Variants in SND1 observed in about 807,000 individuals in gnomAD.
SND1 encodes staphylococcal nuclease domain-containing protein 1.
Under a neutral mutation model 121.7 loss-of-function variants are expected in SND1, and 38 were observed. That is an observed-to-expected ratio of 0.31 (90% CI 0.24 to 0.41). The LOEUF (loss-of-function observed/expected upper bound fraction) is 0.41. Among genes scored for constraint, SND1 ranks in the 10% least tolerant of loss-of-function variants. The pLI, the probability that SND1 is intolerant of heterozygous loss-of-function variation, is 1.00. For synonymous variants in SND1, 401 were observed against 447.4 expected (o/e 0.90, Z 1.31); for missense variants, 868 against 1,184.6 (o/e 0.73, Z 3.92).
chr7:128,066,442 G>A (rs1027364463), intron 16 of SND1, among the ~76,000 whole-genome samples: 3 of 152,186 alleles, frequency 2.0e-5, no homozygotes, highest in African/African-American at 7.2e-5. Context: ...TGGAGGTGAT[G>A]GGGGATTAGG....
intron 11 of SND1, among the ~76,000 whole-genome samples, chr7:127,832,813 C>T (rs952499462): frequency 6.6e-5 from 10 of 152,202 alleles, no homozygotes; most frequent in Non-Finnish European, 8.8e-5. Context: ...GGCCAGCCAG[C>T]GTCACTGCCT....
rs373040013 is a variant in SND1, at chr7:127,910,084, T to C, written c.1527+5265T>C. Among the ~76,000 whole-genome samples the C allele has an allele frequency of 3.9e-5, 6 of 152,318 alleles. No homozygotes were observed. The South Asian group carries it at 1.0e-3, about 26-fold the overall frequency. ...TAGGTGTTACCTTTCCTTAGCTCTT[T>C]ATTAATATTTAGGCCTTGATGGAAG... On this transcript the variant is annotated intron_variant, in intron 14 of 23. Coordinates refer to ENST00000354725, the MANE Select transcript of SND1 (RefSeq NM_014390.4).
intron 16 of SND1, among the ~76,000 whole-genome samples, chr7:128,022,204 CAAAAAAAAAAAA>C (rs58371490): frequency 4.0e-5 from 3 of 74,138 alleles, no homozygotes; most frequent in Admixed American, 1.6e-4. Flanking sequence ...GACTCTCTCT[CAAAAAAAAAAAA>C]AAAAAAAAAA....
chr7:127,755,628 T>G (rs1797181192), intron 10 of SND1, among the ~76,000 whole-genome samples: 1 of 152,218 alleles, frequency 6.6e-6, no homozygotes, highest in African/African-American at 2.4e-5. Context: ...ATAGGATGGA[T>G]GTGGAGTTTC....
chr7:127,707,136 TTTC>T (rs1321251612), intron 8 of SND1, among the ~76,000 whole-genome samples: 1 of 152,226 alleles, frequency 6.6e-6, no homozygotes, highest in Non-Finnish European at 1.5e-5. Flanking sequence ...TCATGACAGT[TTTC>T]TTCTTATATA....
rs1803207065 is a variant in SND1, at chr7:128,015,535, A to G, written c.1779+24479A>G. 6.6e-6 allele frequency among the ~76,000 whole-genome samples: 1 copy of G among 152,182 alleles called. No homozygotes were observed. The highest frequency in any genetic ancestry group is 1.5e-5 in the Non-Finnish European group (1 of 68,036). Reference sequence around the variant, plus strand: ...CCTCATTTTAATATAGACTTTGGCAACTTCTCAAAGTACAATGCTCAGTTT... The same window carrying G: ...CCTCATTTTAATATAGACTTTGGCAGCTTCTCAAAGTACAATGCTCAGTTT... On this transcript the variant is annotated intron_variant, in intron 16 of 23. Coordinates refer to ENST00000354725, the MANE Select transcript of SND1 (RefSeq NM_014390.4). The surrounding 1 kb of genome is among the most constrained non-coding windows in gnomAD (Gnocchi z 4.5).
chr7:127,867,810 T>C (rs1052013372), intron 12 of SND1, among the ~76,000 whole-genome samples: 2 of 151,970 alleles, frequency 1.3e-5, no homozygotes, highest in Non-Finnish European at 2.9e-5. Flanking sequence ...TCCATAACCT[T>C]AGGAGTGGAG....
Position 127,844,369 on chromosome 7 carries a change from G to A in SND1, c.1288G>A (p.Glu430Lys), listed in dbSNP as rs1356223710. ...DYIRPASPATETVPAFSERTC... is the reference protein window; with the variant it reads ...DYIRPASPATKTVPAFSERTC... ...CATTAGACCAGCCAGCCCAGCCACAGAGACAGTGCCTGCCTTTTCAGAGCG... is the reference window on the plus strand; with the variant it reads ...CATTAGACCAGCCAGCCCAGCCACAAAGACAGTGCCTGCCTTTTCAGAGCG... Residue 430 changes from glutamate to lysine, a missense_variant, in exon 12 of 24, where the codon GAG becomes AAG. Around this residue, in one of 2 missense-constraint regions of SND1, gnomAD observed 743 missense variants for 1,071.3 expected, o/e 0.69. Coordinates refer to ENST00000354725, the MANE Select transcript of SND1 (RefSeq NM_014390.4). The A allele has an allele frequency of 1.2e-6, 2 of 1,613,688 alleles. No homozygotes were observed. Among genetic ancestry groups the A allele is most frequent in the Non-Finnish European group, 8.5e-7 (1 of 1,179,776 alleles).
At chr7:128,028,570 G>C (rs1803549180) in intron 16 of SND1, 1 of 1,033,264 alleles carries the variant, frequency 9.7e-7, no homozygotes. Flanking sequence ...CCAGCCCATA[G>C]ACTTAATATA....
chr7:127,755,435 T>A (rs896310262), intron 10 of SND1, among the ~76,000 whole-genome samples: 4 of 152,256 alleles, frequency 2.6e-5, no homozygotes, highest in African/African-American at 9.6e-5. Context: ...CAAGTGCTGA[T>A]GCTAAAACCC....
At chr7:127,726,574 C>G (rs146184039) in intron 10 of SND1, among the ~76,000 whole-genome samples, 1 of 152,194 alleles carries the variant, frequency 6.6e-6, no homozygotes, top group African/African-American at 2.4e-5. Flanking sequence ...ACACATTTTG[C>G]GATCTCAGGA....
intron 12 of SND1, among the ~76,000 whole-genome samples, chr7:127,870,500 A>G (rs1397753906): frequency 2.6e-5 from 4 of 152,206 alleles, no homozygotes; most frequent in Non-Finnish European, 5.9e-5. Context: ...AGCCTACTAC[A>G]CACAGAGGCT....
At chr7:127,866,108 C>T (rs181393600) in intron 12 of SND1, among the ~76,000 whole-genome samples, 27 of 152,228 alleles carry the variant, frequency 1.8e-4, no homozygotes, top group Non-Finnish European at 2.9e-4. Flanking sequence ...TTTTGGTACT[C>T]AACAAATTGG....
chr7:127,905,188 A>G (rs1800311839), intron 14 of SND1, among the ~76,000 whole-genome samples: 1 of 152,170 alleles, frequency 6.6e-6, no homozygotes, highest in Non-Finnish European at 1.5e-5. Flanking sequence ...GCAAAAGGTC[A>G]AGTATAGATT....
At chr7:127,891,297 C>T (rs1800005318) in intron 13 of SND1, among the ~76,000 whole-genome samples, 2 of 152,042 alleles carry the variant, frequency 1.3e-5, no homozygotes, top group South Asian at 4.1e-4. Context: ...TGCAGTGGCA[C>T]AATCATGACT....
chr7:127,861,795 C>T (rs1411437931), intron 12 of SND1, among the ~76,000 whole-genome samples: 1 of 152,100 alleles, frequency 6.6e-6, no homozygotes, highest in Non-Finnish European at 1.5e-5. Context: ...ATTAGTGTAC[C>T]ATTCCATGCT....
chr7:127,801,471 G>A (rs897318349), intron 10 of SND1, among the ~76,000 whole-genome samples: 1 of 152,064 alleles, frequency 6.6e-6, no homozygotes, highest in African/African-American at 2.4e-5. Context: ...GTAATCAGAA[G>A]AGAAACCCCA....
At chr7:127,773,547 A>G (rs1261024955) in intron 10 of SND1, among the ~76,000 whole-genome samples, 5 of 152,182 alleles carry the variant, frequency 3.3e-5, no homozygotes, top group African/African-American at 1.2e-4. Context: ...TAGGAAAAAA[A>G]AAAGAAAAGG....
At chr7:127,857,998 T>TC (rs1267037969) in intron 12 of SND1, 4 of 1,455,200 alleles carry the variant, frequency 2.7e-6, no homozygotes, top group Non-Finnish European at 3.9e-6. Flanking sequence ...CAGCTCGGCA[T>TC]CCCCCGGGTT....
Sources: gnomAD v4.1 joint callset for allele counts (sites outside exome capture counted in the v4.1 genomes callset) on GRCh38, gnomAD v4.1.1 for gene constraint, gnomAD v4.1.1 regional missense constraint, Gnocchi (gnomAD v3.1) non-coding constraint, MANE v1.5 for transcripts, NCBI Gene and HGNC (gene_info 2026-07-23, HGNC 2026-07-21) for gene names.